The following DPP4 variants were observed in gnomAD, a reference collection of about 807,000 sequenced individuals.
DPP4 encodes ADCP-2.
A neutral mutation model predicts 122.4 loss-of-function variants in DPP4; 93 were observed. The observed-to-expected ratio is 0.76, with a 90% CI of 0.64 to 0.90. DPP4 has a LOEUF of 0.90. Among genes scored for constraint, DPP4 ranks in the 40% least tolerant of loss-of-function variants. The pLI is 0.00. For synonymous variants in DPP4, 321 were observed against 302.9 expected, an observed-to-expected ratio of 1.06 and a Z score of -0.62; for missense variants, 914 against 907.3, an observed-to-expected ratio of 1.01 and a Z score of -0.09.
intron 23 of DPP4, among the ~76,000 whole-genome samples, chr2:162,001,914 G>C (rs937507023): frequency 5.9e-5 from 9 of 152,196 alleles, no homozygotes. Flanking sequence ...TCCTTGAGGT[G>C]GGGGGGATGA....
At chr2:162,072,580 C>G (rs559025427) in intron 2 of DPP4, among the ~76,000 whole-genome samples, 4 of 152,284 alleles carry the variant, frequency 2.6e-5, no homozygotes, top group African/African-American at 9.6e-5. Context: ...AATGCTTTAA[C>G]TGGCTGACTA....
chr2:162,051,468 G>A (rs898630691), intron 2 of DPP4, among the ~76,000 whole-genome samples: 1 of 152,158 alleles, frequency 6.6e-6, no homozygotes, highest in African/African-American at 2.4e-5. Flanking sequence ...GTAAATAAAT[G>A]GCTAATGAAA....
intron 23 of DPP4, among the ~76,000 whole-genome samples, chr2:162,001,047 T>A (rs1701133952): frequency 6.6e-6 from 1 of 152,306 alleles, no homozygotes; most frequent in Admixed American, 6.5e-5. Context: ...CGTAACCTAT[T>A]GAGAGCATCA....
At chr2:162,060,789 C>G (rs1684740767) in intron 2 of DPP4, among the ~76,000 whole-genome samples, 1 of 152,128 alleles carries the variant, frequency 6.6e-6, no homozygotes, top group Non-Finnish European at 1.5e-5. Flanking sequence ...CAATCTATGA[C>G]TCAGATGCTT....
intron 10 of DPP4, among the ~76,000 whole-genome samples, chr2:162,025,347 A>G (rs1216407859): frequency 1.3e-5 from 2 of 152,094 alleles, no homozygotes; most frequent in Non-Finnish European, 2.9e-5. Context: ...TGTTTCTTGT[A>G]TTTTACATGC....
intron 11 of DPP4, among the ~76,000 whole-genome samples, chr2:162,023,540 C>T (rs968315432): frequency 6.6e-6 from 1 of 152,198 alleles, no homozygotes; most frequent in African/African-American, 2.4e-5. Flanking sequence ...TTGCACAGCC[C>T]TCTGCTTCTA....
intron 22 of DPP4, among the ~76,000 whole-genome samples, chr2:162,006,863 GC>G (rs1446165678): frequency 6.6e-6 from 1 of 151,894 alleles, no homozygotes; most frequent in Non-Finnish European, 1.5e-5. Context: ...TAGGTTGGTG[GC>G]TTGAATTTCA....
chr2:162,011,849 A>C lies in DPP4; in HGVS notation c.1776T>G (p.His592Gln), dbSNP rs1442776985. ...GSGYQGDKIM[H>Q]AINRRLGTFE... ...ATGTTCCCAGTCTTCTGTTGATTGCATGCATGATCTTATCTCCTTGGTAAC... is the reference window on the plus strand; with the variant it reads ...ATGTTCCCAGTCTTCTGTTGATTGCCTGCATGATCTTATCTCCTTGGTAAC... Residue 592 changes from histidine (H) to glutamine (Q), a missense_variant, in exon 20 of 26, where the codon CAT (histidine) becomes CAG (glutamine). Coordinates refer to ENST00000360534, the MANE Select transcript of DPP4 (RefSeq NM_001935.4). 1.2e-6 allele frequency: 2 copies of C among 1,613,614 alleles called. No individual in the cohort carries two copies. Among genetic ancestry groups the C allele is most frequent in the African/African-American group, 1.3e-5 (1 of 74,870 alleles).
chr2:162,016,493 T>G (rs1270190890), intron 18 of DPP4, among the ~76,000 whole-genome samples: 1 of 152,208 alleles, frequency 6.6e-6, no homozygotes, highest in Non-Finnish European at 1.5e-5. Flanking sequence ...AGTAGAATAA[T>G]AGAGTCACTA....
chr2:162,022,465 G>C (rs1418316122), intron 12 of DPP4, among the ~76,000 whole-genome samples: 2 of 152,140 alleles, frequency 1.3e-5, no homozygotes, highest in Non-Finnish European at 2.9e-5. Context: ...CCAACTTTCA[G>C]CCATGGTTAC....
chr2:162,011,204 C>G (rs1682697335), intron 20 of DPP4, among the ~76,000 whole-genome samples: 1 of 152,122 alleles, frequency 6.6e-6, no homozygotes, highest in African/African-American at 2.4e-5. Context: ...CAGATCACAT[C>G]TAGTTATAGT....
chr2:161,995,469 C>A lies in DPP4; in HGVS notation c.2053-97G>T, dbSNP rs772568266. Reference sequence around the variant, plus strand: ...CAAAATAAAATGTTTTCAGCTGGGGCCCCCTTTGATACAAAATATAGCAAA... The same window carrying A: ...CAAAATAAAATGTTTTCAGCTGGGGACCCCTTTGATACAAAATATAGCAAA... On this transcript the variant is annotated intron_variant, in intron 23 of 25. Coordinates refer to ENST00000360534, the MANE Select transcript of DPP4 (RefSeq NM_001935.4). 1.8e-5 allele frequency: 20 copies of A among 1,139,568 alleles called. No homozygotes were observed. In the African/African-American group the frequency reaches 2.6e-4, roughly 15 times the overall value. 70.6% of individuals were successfully genotyped at this position (1,139,568 alleles called of 1,614,324 possible).
At chr2:162,065,338 G>A (rs1576075346) in intron 2 of DPP4, among the ~76,000 whole-genome samples, 1 of 152,180 alleles carries the variant, frequency 6.6e-6, no homozygotes, top group Non-Finnish European at 1.5e-5. Context: ...TTGAGCTGCA[G>A]AAGCCATGCT....
intron 12 of DPP4, 141 bp from the exon 13 acceptor site, chr2:162,020,829 A>C: frequency 3.7e-6 from 2 of 539,016 alleles, no homozygotes. Flanking sequence ...TTAGTGTCTC[A>C]AAAAGAAAAT....
intron 23 of DPP4, among the ~76,000 whole-genome samples, chr2:162,005,329 T>C (rs920360225): frequency 4.6e-5 from 7 of 152,288 alleles, no homozygotes; most frequent in South Asian, 2.1e-4. Flanking sequence ...CTGTACATAA[T>C]TGGCTATGAG....
At chr2:162,033,449 G>T in intron 10 of DPP4, 92 bp downstream of exon 10, 2 of 847,272 alleles carry the variant, frequency 2.4e-6, no homozygotes, top group Non-Finnish European at 3.8e-6. Flanking sequence ...ACAGTGGGAG[G>T]CTGTGATCCA....
intron 8 of DPP4, among the ~76,000 whole-genome samples, chr2:162,036,108 T>G (rs1441780553): frequency 2.0e-5 from 3 of 152,144 alleles, no homozygotes; most frequent in Non-Finnish European, 2.9e-5. Flanking sequence ...CTTAATATGT[T>G]GAAAACTCCT....
chr2:162,054,124 C>A (rs943281055), intron 2 of DPP4, among the ~76,000 whole-genome samples: 1 of 152,184 alleles, frequency 6.6e-6, no homozygotes, highest in East Asian at 1.9e-4. Context: ...ATTTTTAAAC[C>A]TCAAGATGTA....
At chr2:162,032,391 T>G (rs1176167274) in intron 10 of DPP4, 1 of 152,254 alleles carries the variant, frequency 6.6e-6, no homozygotes, top group Non-Finnish European at 1.5e-5. Context: ...TAGTTGTTAT[T>G]TAAAAACAGC....
Sources: gnomAD v4.1 joint callset for allele counts (sites outside exome capture counted in the v4.1 genomes callset) on GRCh38, gnomAD v4.1.1 for gene constraint, MANE v1.5 for transcripts, NCBI Gene and HGNC (gene_info 2026-07-23, HGNC 2026-07-21) for gene names.